IGDCC3: variants seen among roughly 807,000 people sequenced by gnomAD.
The protein encoded by IGDCC3 is putative neuronal cell adhesion molecule.
IGDCC3 carries 47 observed loss-of-function variants against 72.0 expected under a neutral mutation model. The observed-to-expected ratio is 0.65, with a 90% CI of 0.52 to 0.83. The LOEUF (loss-of-function observed/expected upper bound fraction) is 0.83, where lower values mean the gene tolerates loss of function less well. IGDCC3 is among the 40% of genes least tolerant of loss of function. The pLI is 0.00. For synonymous variants in IGDCC3, 477 were observed against 472.8 expected, an observed-to-expected ratio of 1.01 and a Z score of -0.11; for missense variants, 1,038 against 1,091.3, an observed-to-expected ratio of 0.95 and a Z score of 0.69.
At chr15:65,370,617 T>G (rs2091319100) in intron 2 of IGDCC3, among the ~76,000 whole-genome samples, 1 of 34,108 alleles carries the variant, frequency 2.9e-5, no homozygotes, top group Admixed American at 2.9e-4. Flanking sequence ...TATATATGTA[T>G]GTGTATATAT....
chr15:65,367,388 GA>G (rs1462447129), intron 2 of IGDCC3, among the ~76,000 whole-genome samples: 1 of 150,572 alleles, frequency 6.6e-6, no homozygotes, highest in Non-Finnish European at 1.5e-5. Flanking sequence ...GGAATGGGGA[GA>G]GGGGGGAGGG....
intron 2 of IGDCC3, among the ~76,000 whole-genome samples, chr15:65,372,332 C>T (rs2091331098): frequency 6.6e-6 from 1 of 152,200 alleles, no homozygotes; most frequent in Admixed American, 6.5e-5. Context: ...AGCCCCCAAA[C>T]TACAAGCACG....
intron 6 of IGDCC3, 70 bp from the exon 7 acceptor site, chr15:65,332,176 C>T: frequency 6.5e-7 from 1 of 1,528,234 alleles, no homozygotes; most frequent in Non-Finnish European, 8.9e-7. Flanking sequence ...AGGAAGGGAA[C>T]AGGGGATGGG....
In IGDCC3 at chr15:65,377,693, C is replaced by G. The variant is rs1206570994; in HGVS notation, c.96G>C (p.Pro32=). The change falls in exon 1 of 14, where the codon CCG becomes CCC. Residue 32 remains proline (P), a synonymous_variant. Coordinates refer to ENST00000327987, the MANE Select transcript of IGDCC3 (RefSeq NM_004884.4). This position sits in a 1 kb window ranked among gnomAD's most constrained non-coding sequence, Gnocchi z 4.9. The part of the protein sequence containing the change: ...LPLLLLLLPA[P]SEGLGHSAEL... Reference sequence around the variant, plus strand: ...CGGGGCGCTTTCACTCACCCTCGCTCGGCGCGGGCAGCAGCAGCAACAGCA... The same window carrying G: ...CGGGGCGCTTTCACTCACCCTCGCTGGGCGCGGGCAGCAGCAGCAACAGCA... 5.6e-6 allele frequency: 8 copies of G among 1,425,742 alleles called. No individual in the cohort carries two copies. The highest frequency in any genetic ancestry group is 7.3e-6 in the Non-Finnish European group (8 of 1,094,038). 88.3% of individuals were successfully genotyped at this position (1,425,742 alleles called of 1,614,324 possible). A position where few individuals can be genotyped will look rare whatever the true frequency, so the allele number is the denominator to read the frequency against.
chr15:65,375,589 GGT>G (rs2091354054), intron 1 of IGDCC3, among the ~76,000 whole-genome samples, 187 bp from the exon 2 acceptor site: 1 of 152,146 alleles, frequency 6.6e-6, no homozygotes, highest in Non-Finnish European at 1.5e-5. Context: ...CATCCAAGGC[GGT>G]ACTTTACTTA....
At chr15:65,335,789 T>C (rs1319478776) in intron 3 of IGDCC3, 23 bp downstream of exon 3, 2 of 1,613,666 alleles carry the variant, frequency 1.2e-6, no homozygotes, top group East Asian at 2.2e-5. Context: ...GTCCTCCCTC[T>C]GTCTTTCCCA....
At position 65,339,454 on chromosome 15, in the gene IGDCC3, G is replaced by T. The variant is rs2091060198; in HGVS notation, c.410-3498C>A. Among the ~76,000 whole-genome samples the T allele has an allele frequency of 6.6e-6, 1 of 152,232 alleles. No homozygotes were observed. ...GGCACAGCATTTTTTTCTTTAGGAAGTTTGAGGAAAAGGGATGTTGAGGCC... is the reference window on the plus strand; with the variant it reads ...GGCACAGCATTTTTTTCTTTAGGAATTTTGAGGAAAAGGGATGTTGAGGCC... On this transcript the variant is annotated intron_variant, in intron 2 of 13. Transcript: ENST00000327987. This position sits in a 1 kb window ranked among gnomAD's most constrained non-coding sequence, Gnocchi z 4.1.
intron 2 of IGDCC3, among the ~76,000 whole-genome samples, chr15:65,359,845 G>A (rs2091249306): frequency 6.6e-6 from 1 of 152,120 alleles, no homozygotes; most frequent in South Asian, 2.1e-4. Context: ...AAAGGCTTAG[G>A]TAAAATGCTC....
chr15:65,329,050 C>G lies in IGDCC3; in HGVS notation c.2304G>C (p.Lys768Asn). Reference protein sequence around the residue: ...GLMEGKTTEAKTTEATAPCAG... With the variant: ...GLMEGKTTEANTTEATAPCAG... ...CGCAGGGAGCCGTGGCCTCTGTGGTCTTCGCCTCCGTCGTCTTCCCCTCCA... is the reference window on the plus strand; with the variant it reads ...CGCAGGGAGCCGTGGCCTCTGTGGTGTTCGCCTCCGTCGTCTTCCCCTCCA... The change falls in exon 14 of 14, where the codon AAG becomes AAC. Residue 768 changes from lysine to asparagine, a missense_variant. Coordinates refer to ENST00000327987, the MANE Select transcript of IGDCC3 (RefSeq NM_004884.4). The surrounding 1 kb of genome is among the most constrained non-coding windows in gnomAD (Gnocchi z 4.1). The G allele has an allele frequency of 1.2e-6, 2 of 1,612,310 alleles. No homozygotes were observed. The highest frequency in any genetic ancestry group is 1.7e-6 in the Non-Finnish European group (2 of 1,179,410).
Position 65,329,958 on chromosome 15 carries a change from C to T in IGDCC3, c.1859-94G>A, listed in dbSNP as rs766079794. Reference sequence around the variant, plus strand: ...GGGGACTCCTCTTCCTTCAGCTGCTCCCACTCCCAAGTGGGAGTGGGAACA... The same window carrying T: ...GGGGACTCCTCTTCCTTCAGCTGCTTCCACTCCCAAGTGGGAGTGGGAACA... On this transcript the variant is annotated intron_variant, in intron 11 of 13. Transcript: ENST00000327987. This position sits in a 1 kb window ranked among gnomAD's most constrained non-coding sequence, Gnocchi z 4.1. 7 of 1,373,338 alleles carry T rather than the reference C, an allele frequency of 5.1e-6. No individual in the cohort carries two copies. The highest frequency in any genetic ancestry group is 1.0e-6 in the Non-Finnish European group (1 of 977,378). The allele number at this position is 1,373,338 out of a possible 1,614,324, so 85.1% of individuals were successfully genotyped here. A position where few individuals can be genotyped will look rare whatever the true frequency, so the allele number is the denominator to read the frequency against.
intron 5 of IGDCC3, among the ~76,000 whole-genome samples, chr15:65,333,683 TCA>T (rs1165262605): frequency 2.0e-5 from 3 of 152,298 alleles, no homozygotes; most frequent in African/African-American, 7.2e-5. Flanking sequence ...CCCTTCTGTT[TCA>T]CAATCTGTAA....
At chr15:65,333,611 A>G (rs2090998923) in intron 5 of IGDCC3, among the ~76,000 whole-genome samples, 196 bp from the exon 6 acceptor site, 1 of 152,192 alleles carries the variant, frequency 6.6e-6, no homozygotes, top group Admixed American at 6.5e-5. Context: ...CGCGCCTAGC[A>G]GCGGAGACCC....
Position 65,328,898 on chromosome 15 carries a change from C to T in IGDCC3, c.*11G>A. On this transcript the variant is annotated 3_prime_UTR_variant, in exon 14 of 14. Coordinates refer to ENST00000327987, the MANE Select transcript of IGDCC3 (RefSeq NM_004884.4). The stretch of plus-strand genomic sequence containing the variant: ...CGCTCCGTCCACCCTCTGGAGCCTG[C>T]CAGACACTGGCTACTGTTCCGAGTG... The T allele has an allele frequency of 6.6e-7, 1 of 1,518,534 alleles. No homozygotes were observed. The highest frequency in any genetic ancestry group is 8.8e-7 in the Non-Finnish European group (1 of 1,136,650). 94.1% of individuals were successfully genotyped at this position (1,518,534 alleles called of 1,614,324 possible).
intron 2 of IGDCC3, among the ~76,000 whole-genome samples, chr15:65,374,449 A>T (rs565135457): frequency 2.0e-5 from 3 of 152,310 alleles, no homozygotes; most frequent in Non-Finnish European, 4.4e-5. Context: ...CAAGCAGCAC[A>T]AGCAAAGCAC....
intron 2 of IGDCC3, among the ~76,000 whole-genome samples, chr15:65,362,538 G>A (rs1233790583): frequency 1.5e-5 from 2 of 136,684 alleles, no homozygotes; most frequent in African/African-American, 5.2e-5. Context: ...TGAACAAAAG[G>A]TGCCCCCACT....
intron 2 of IGDCC3, among the ~76,000 whole-genome samples, chr15:65,347,083 C>A (rs2091130606): frequency 6.6e-6 from 1 of 152,208 alleles, no homozygotes; most frequent in African/African-American, 2.4e-5. Flanking sequence ...CCCAGTCCCA[C>A]AATATCCCTA....
intron 2 of IGDCC3, among the ~76,000 whole-genome samples, chr15:65,340,410 A>AT (rs977409497): frequency 2.0e-5 from 3 of 152,138 alleles, no homozygotes; most frequent in Non-Finnish European, 2.9e-5. Context: ...GCATGTTTGG[A>AT]TGGAGAGTTC....
At position 65,328,810 on chromosome 15, in the gene IGDCC3, C is replaced by A; in HGVS notation, c.*99G>T. ...AGTCAGGATAGAAATGCTGGGGAGC[C>A]CCCAGGACCATCCAAATCCCACATG... On this transcript the variant is annotated 3_prime_UTR_variant, in exon 14 of 14. Coordinates refer to ENST00000327987, the MANE Select transcript of IGDCC3 (RefSeq NM_004884.4). 1 of 1,435,814 alleles carries A rather than the reference C, an allele frequency of 7.0e-7. No individual in the cohort carries two copies. Among genetic ancestry groups the A allele is most frequent in the African/African-American group, 1.5e-5 (1 of 68,492 alleles). 88.9% of individuals were successfully genotyped at this position (1,435,814 alleles called of 1,614,324 possible).
intron 2 of IGDCC3, among the ~76,000 whole-genome samples, chr15:65,358,104 ATTT>A (rs35238946): frequency 4.3e-5 from 6 of 139,874 alleles, no homozygotes; most frequent in East Asian, 2.1e-4. Flanking sequence ...TCCAAGACAT[ATTT>A]TTTTTTTTTT....
Sources: gnomAD v4.1 joint callset for allele counts (sites outside exome capture counted in the v4.1 genomes callset) on GRCh38, gnomAD v4.1.1 for gene constraint, Gnocchi (gnomAD v3.1) non-coding constraint, MANE v1.5 for transcripts, NCBI Gene and HGNC (gene_info 2026-07-23, HGNC 2026-07-21) for gene names.